EYA4: variants seen among roughly 807,000 people sequenced by gnomAD.
The protein encoded by EYA4 is protein phosphatase EYA4.
Under a neutral mutation model 87.9 loss-of-function variants are expected in EYA4, and 31 were observed. That is an observed-to-expected ratio of 0.35 (90% CI 0.27 to 0.48). The LOEUF (loss-of-function observed/expected upper bound fraction) is 0.48, where lower values mean the gene tolerates loss of function less well. EYA4 is among the 20% of genes least tolerant of loss of function. EYA4 has a pLI of 0.99. For synonymous variants in EYA4, 263 were observed against 270.6 expected (o/e 0.97, Z 0.28); for missense variants, 678 against 761.4 (o/e 0.89, Z 1.29).
chr6:133,444,374 A>G (rs1010313610), intron 3 of EYA4, among the ~76,000 whole-genome samples: 3 of 152,100 alleles, frequency 2.0e-5, no homozygotes, highest in African/African-American at 7.2e-5. Flanking sequence ...TCTGCGTGGT[A>G]TATCATTTTC....
intron 3 of EYA4, among the ~76,000 whole-genome samples, chr6:133,411,810 ATCT>A (rs1236212416): frequency 2.6e-5 from 4 of 152,206 alleles, no homozygotes; most frequent in African/African-American, 4.8e-5. Flanking sequence ...TTGTGCATAA[ATCT>A]TCTCATATTC....
intron 2 of EYA4, among the ~76,000 whole-genome samples, chr6:133,347,543 C>T (rs1025740962): frequency 8.6e-5 from 13 of 152,042 alleles, no homozygotes; most frequent in South Asian, 4.1e-4. Flanking sequence ...ATAGGAAATA[C>T]GGAAAAGGGC....
chr6:133,311,651 T>C (rs1186766893), intron 2 of EYA4, among the ~76,000 whole-genome samples: 3 of 152,098 alleles, frequency 2.0e-5, no homozygotes, highest in African/African-American at 7.2e-5. Context: ...CTACCTCACC[T>C]CCAAAGCCCT....
At chr6:133,525,070 T>C (rs748581323) in intron 18 of EYA4, 84 bp from the exon 19 acceptor site, 20 of 1,613,502 alleles carry the variant, frequency 1.2e-5, no homozygotes, top group Middle Eastern at 1.6e-4. Flanking sequence ...ACATAACTTA[T>C]GTTGTGATTG....
rs187736767 is a variant in EYA4 at position 133,489,958 on chromosome 6, T to G, written c.1191+6843T>G. ...ATTAAAAATAATAACTGACAACTTT[T>G]CAAGACATAGTAAAATAGGATATAA... On this transcript the variant is annotated intron_variant, in intron 13 of 19. Coordinates refer to ENST00000355286, the MANE Select transcript of EYA4 (RefSeq NM_004100.5). Among the ~76,000 whole-genome samples, 475 of 148,948 alleles carry G rather than the reference T, an allele frequency of 3.2e-3. 1 individual carries two copies. Among genetic ancestry groups the G allele is most frequent in the African/African-American group, 0.01 (395 of 39,172 alleles).
At chr6:133,294,023 T>TTATATATATATA (rs71771244) in intron 2 of EYA4, among the ~76,000 whole-genome samples, 1,548 of 78,260 alleles carry the variant, frequency 0.02, 45 homozygotes, top group African/African-American at 0.024. Flanking sequence ...TAGGGTGATT[T>TTATATATATATA]TATATATATA....
In EYA4 at chr6:133,411,449, G is replaced by T. The variant is rs758670128; in HGVS notation, c.83+29008G>T. Among the ~76,000 whole-genome samples the T allele has an allele frequency of 3.3e-5, 5 of 152,138 alleles. 1 individual carries two copies. The Middle Eastern group carries it at 0.01, about 310-fold the overall frequency. On this transcript the variant is annotated intron_variant, in intron 3 of 19. Transcript: ENST00000355286. ...ATTGCATGTTCTTTTTAGAAAATCA[G>T]AAAATACTCAATTTATTAAACTAAA...
intron 3 of EYA4, among the ~76,000 whole-genome samples, chr6:133,400,940 C>CA (rs756293589): frequency 2.0e-5 from 3 of 152,198 alleles, no homozygotes; most frequent in Middle Eastern, 3.4e-3. Flanking sequence ...AGACTGGGGA[C>CA]ACAGCTCAAG....
chr6:133,464,681 A>G, intron 9 of EYA4, 98 bp from the exon 10 acceptor site: 2 of 814,094 alleles, frequency 2.5e-6, no homozygotes, highest in South Asian at 2.9e-5. Context: ...CTTCACGACA[A>G]ATTTCAAAGT....
At chr6:133,382,120 T>C (rs1446505354) in intron 2 of EYA4, among the ~76,000 whole-genome samples, 1 of 152,196 alleles carries the variant, frequency 6.6e-6, no homozygotes, top group Non-Finnish European at 1.5e-5. Context: ...GGAAACCTGG[T>C]TCTTTGGTTT....
rs1779669812 is a variant in EYA4, at chr6:133,304,644, A to G, written c.33+29831A>G. Among the ~76,000 whole-genome samples the G allele has an allele frequency of 2.0e-5, 3 of 152,182 alleles. No individual in the cohort carries two copies. The South Asian group carries it at 6.2e-4, about 32-fold the overall frequency. ...ACTTTATCTTGAGAGGAAGTAGAGC[A>G]TACAGTGGTCAAGTGGCCATTGTAG... On this transcript the variant is annotated intron_variant, in intron 2 of 19. Transcript: ENST00000355286.
At chr6:133,450,197 G>C (rs1323981790) in intron 5 of EYA4, among the ~76,000 whole-genome samples, 1 of 152,044 alleles carries the variant, frequency 6.6e-6, no homozygotes, top group African/African-American at 2.4e-5. Context: ...GTGTTAGCCA[G>C]GGCGGTCTCG....
intron 3 of EYA4, among the ~76,000 whole-genome samples, chr6:133,402,375 A>G (rs1375574073): frequency 4.6e-5 from 7 of 152,116 alleles, no homozygotes; most frequent in Non-Finnish European, 1.0e-4. Context: ...TTTATTCTCT[A>G]AGTAGTTGCT....
At chr6:133,275,493 A>G (rs1197055566) in intron 2 of EYA4, among the ~76,000 whole-genome samples, 1 of 150,514 alleles carries the variant, frequency 6.6e-6, no homozygotes, top group Non-Finnish European at 1.5e-5. Context: ...ATGATGTTAC[A>G]AGTAACAAGA....
At chr6:133,279,739 A>G (rs1384399470) in intron 2 of EYA4, among the ~76,000 whole-genome samples, 1 of 152,114 alleles carries the variant, frequency 6.6e-6, no homozygotes, top group Non-Finnish European at 1.5e-5. Context: ...TAGAGATCCT[A>G]CAGTATTATC....
intron 13 of EYA4, among the ~76,000 whole-genome samples, chr6:133,497,932 CTGCT>C (rs1396361042): frequency 6.6e-6 from 1 of 152,176 alleles, no homozygotes; most frequent in African/African-American, 2.4e-5. Context: ...GGTCCCCAAA[CTGCT>C]TGCTTATTTT....
At chr6:133,505,795 A>G in intron 13 of EYA4, among the ~76,000 whole-genome samples, 1 of 152,150 alleles carries the variant, frequency 6.6e-6, no homozygotes, top group East Asian at 1.9e-4. Context: ...CTTTCCATAG[A>G]TTATATGTAA....
chr6:133,299,503 A>C (rs998448738), intron 2 of EYA4, among the ~76,000 whole-genome samples: 4 of 151,904 alleles, frequency 2.6e-5, no homozygotes, highest in Non-Finnish European at 4.4e-5. Context: ...CGAGGTCAGG[A>C]GATCGAGACC....
chr6:133,382,327 G>A (rs1786291919), intron 2 of EYA4, 65 bp from the exon 3 acceptor site: 3 of 1,117,464 alleles, frequency 2.7e-6, no homozygotes, highest in South Asian at 2.5e-5. Context: ...CGCTTTAATA[G>A]TGTGTGAACC....
Sources: allele counts gnomAD v4.1 joint callset (sites outside exome capture counted in the v4.1 genomes callset), GRCh38; gene constraint gnomAD v4.1.1; transcripts MANE v1.5; gene names NCBI Gene and HGNC (gene_info 2026-07-23, HGNC 2026-07-21).